Variants in STAT5B observed in about 807,000 individuals in gnomAD.
STAT5B encodes transcription factor STAT5B.
Under a neutral mutation model 107.8 loss-of-function variants are expected in STAT5B, and 21 were observed. That is an observed-to-expected ratio of 0.19 (90% CI 0.14 to 0.28). The LOEUF is 0.28. Ranked by LOEUF, STAT5B falls within the 10% of genes least tolerant of loss-of-function variation. STAT5B has a pLI of 1.00. For missense variants in STAT5B, 565 were observed against 1,008.2 expected, an observed-to-expected ratio of 0.56 and a Z score of 5.95; for synonymous variants, 325 against 401.7, an observed-to-expected ratio of 0.81 and a Z score of 2.28.
At chr17:42,232,242 ATTAT>A in intron 1 of STAT5B, 105 bp from the exon 2 acceptor site, 2 of 1,203,652 alleles carry the variant, frequency 1.7e-6, no homozygotes, top group East Asian at 3.3e-5. Flanking sequence ...TTTTTATTTT[ATTAT>A]TTATTTTTAT....
At chr17:42,238,893 G>T (rs2080379054) in intron 1 of STAT5B, among the ~76,000 whole-genome samples, 1 of 151,758 alleles carries the variant, frequency 6.6e-6, no homozygotes, top group African/African-American at 2.4e-5. Context: ...GAAGGGTGAG[G>T]GTGGTACAGT....
chr17:42,204,993 G>A (rs1306403272), intron 16 of STAT5B, among the ~76,000 whole-genome samples: 1 of 152,152 alleles, frequency 6.6e-6, no homozygotes, highest in Non-Finnish European at 1.5e-5. Context: ...AATGAGGTTG[G>A]AAGATTACAT....
At chr17:42,222,339 G>A (rs1231102850) in intron 5 of STAT5B, among the ~76,000 whole-genome samples, 1 of 152,072 alleles carries the variant, frequency 6.6e-6, no homozygotes, top group Admixed American at 6.6e-5. Context: ...CGCTGGTGGG[G>A]CTCCACAGCC....
Position 42,207,539 on chromosome 17 carries a change from A to G in STAT5B, c.2077+19T>C. The G allele has an allele frequency of 1.2e-6, 2 of 1,613,768 alleles. No individual in the cohort carries two copies. On this transcript the variant is annotated intron_variant, in intron 16 of 18. Coordinates refer to ENST00000293328, the MANE Select transcript of STAT5B (RefSeq NM_012448.4). ...CACACACACACAACAAAATCAAATC[A>G]GAATGCGAACATTGTTACCAGTAGC... is the stretch of plus-strand genomic sequence containing the variant.
chr17:42,269,201 G>A (rs1309388641), intron 1 of STAT5B, among the ~76,000 whole-genome samples: 6 of 152,164 alleles, frequency 3.9e-5, no homozygotes, highest in Admixed American at 3.9e-4. Context: ...AGCCTCCTGA[G>A]TAGCTGGGAT....
chr17:42,224,726 G>A (rs2080258497), intron 4 of STAT5B, 53 bp downstream of exon 4: 2 of 1,578,900 alleles, frequency 1.3e-6, no homozygotes, highest in Non-Finnish European at 1.7e-6. Flanking sequence ...CCAGAGGGAG[G>A]TGGGTAAGAA....
intron 3 of STAT5B, 92 bp from the exon 4 acceptor site, chr17:42,224,960 C>T: frequency 7.8e-7 from 1 of 1,282,690 alleles, no homozygotes; most frequent in Non-Finnish European, 1.1e-6. Context: ...TGAGGGACCT[C>T]CTGAATCACA....
intron 1 of STAT5B, among the ~76,000 whole-genome samples, chr17:42,232,540 C>T (rs1238942982): frequency 2.6e-5 from 4 of 152,094 alleles, no homozygotes; most frequent in Non-Finnish European, 2.9e-5. Context: ...TGAGCCACCA[C>T]GTTTGGCCAA....
chr17:42,224,654 G>A, intron 4 of STAT5B, 125 bp downstream of exon 4: 1 of 946,732 alleles, frequency 1.1e-6, no homozygotes, highest in Non-Finnish European at 1.7e-6. Flanking sequence ...TGCCCCTTAG[G>A]ATGAAGCTCT....
chr17:42,218,429 C>A (rs767148563), intron 8 of STAT5B, 99 bp from the exon 9 acceptor site: 15 of 1,535,618 alleles, frequency 9.8e-6, no homozygotes, highest in Admixed American at 1.9e-5. Flanking sequence ...TCCCGAGGGG[C>A]TCAGGAGGTG....
At position 42,207,574 on chromosome 17, in the gene STAT5B, G is replaced by A. The variant is rs186347987; in HGVS notation, c.2061C>T (p.Pro687=). Residue 687 remains proline (P), a synonymous_variant, in exon 16 of 19, where the codon CCC becomes CCT. Transcript: ENST00000293328. The part of the protein sequence containing the change: ...EVYSKYYTPV[P]CESATAKAVD... ...CATTGTTACCAGTAGCAGACTCGCAGGGAACTGGTGTGTAGTATTTGGAGT... is the reference window on the plus strand; with the variant it reads ...CATTGTTACCAGTAGCAGACTCGCAAGGAACTGGTGTGTAGTATTTGGAGT... 16 of 1,613,928 alleles carry A rather than the reference G, an allele frequency of 9.9e-6. No individual in the cohort carries two copies. The Admixed American group carries it at 2.7e-4, about 27-fold the overall frequency.
intron 5 of STAT5B, among the ~76,000 whole-genome samples, 194 bp downstream of exon 5, chr17:42,223,188 G>T (rs565992948): frequency 3.4e-5 from 5 of 148,022 alleles, no homozygotes; most frequent in Admixed American, 6.6e-5. Context: ...GCACTTAAGC[G>T]GGGGGTCCTG....
rs188585300 is a variant in STAT5B, at chr17:42,260,809, A to G, written c.-11+15439T>C. On this transcript the variant is annotated intron_variant, in intron 1 of 18. Transcript: ENST00000293328. The stretch of plus-strand genomic sequence containing the variant: ...TATTGTGATACAGACTAAGAAAATT[A>G]CAATTGGAGCTCACATTATATTTGT... Among the ~76,000 whole-genome samples, 14 of 152,254 alleles carry G rather than the reference A, an allele frequency of 9.2e-5. No homozygotes were observed. In the East Asian group the frequency reaches 2.1e-3, roughly 23 times the overall value.
At chr17:42,242,253 A>G (rs1432587129) in intron 1 of STAT5B, among the ~76,000 whole-genome samples, 1 of 152,208 alleles carries the variant, frequency 6.6e-6, no homozygotes, top group Non-Finnish European at 1.5e-5. Flanking sequence ...TCATCTAAAT[A>G]TAGGATATAA....
intron 1 of STAT5B, among the ~76,000 whole-genome samples, chr17:42,257,411 T>C (rs973382099): frequency 6.6e-6 from 1 of 152,198 alleles, no homozygotes; most frequent in South Asian, 2.1e-4. Flanking sequence ...GAAGTCTTGG[T>C]GATGCAAAAG....
the STAT5B span, among the ~76,000 whole-genome samples, chr17:42,286,662 T>C: frequency 6.6e-6 from 1 of 152,126 alleles, no homozygotes; most frequent in African/African-American, 2.4e-5. Flanking sequence ...TGTCAGTGCA[T>C]GGCAAGGGTG....
chr17:42,275,802 T>G (rs1269437914), intron 1 of STAT5B, among the ~76,000 whole-genome samples: 3 of 151,032 alleles, frequency 2.0e-5, no homozygotes, highest in Non-Finnish European at 4.4e-5. Flanking sequence ...CGCAGGCTCA[T>G]CCCATCCCCG....
At chr17:42,265,310 A>G (rs1305806744) in intron 1 of STAT5B, among the ~76,000 whole-genome samples, 1 of 151,516 alleles carries the variant, frequency 6.6e-6, no homozygotes, top group Non-Finnish European at 1.5e-5. Context: ...ATCTTTAAAC[A>G]TATTTCAGAT....
rs2080055574 is a variant in STAT5B at position 42,202,737 on chromosome 17, A to G, written c.2129+20T>C. The G allele has an allele frequency of 6.2e-7, 1 of 1,613,780 alleles. No homozygotes were observed. Among genetic ancestry groups the G allele is most frequent in the Non-Finnish European group, 8.5e-7 (1 of 1,180,036 alleles). On this transcript the variant is annotated intron_variant, in intron 17 of 18. Coordinates refer to ENST00000293328, the MANE Select transcript of STAT5B (RefSeq NM_012448.4). ...GGAGGAAAGAGGCAGAAGGAGAGCC[A>G]CAGCCACCTGGACACTTACTCAGGG...
Sources: gnomAD v4.1 joint callset for allele counts (sites outside exome capture counted in the v4.1 genomes callset) on GRCh38, gnomAD v4.1.1 for gene constraint, MANE v1.5 for transcripts, NCBI Gene and HGNC (gene_info 2026-07-23, HGNC 2026-07-21) for gene names.